SYNE1: variants seen among roughly 807,000 people sequenced by gnomAD.
SYNE1 encodes spectrin repeat containing nuclear envelope protein 1.
A neutral mutation model predicts 1,111.0 loss-of-function variants in SYNE1; 616 were observed. That is an observed-to-expected ratio of 0.55 (90% CI 0.52 to 0.59). The LOEUF is 0.59. Ranked by LOEUF, SYNE1 falls within the 20% of genes least tolerant of loss-of-function variation. SYNE1 has a pLI of 0.00. For missense variants in SYNE1, 10,006 were observed against 10,417.0 expected, an observed-to-expected ratio of 0.96 and a Z score of 1.72; for synonymous variants, 3,855 against 3,825.8, an observed-to-expected ratio of 1.01 and a Z score of -0.28.
intron 91 of SYNE1, among the ~76,000 whole-genome samples, chr6:152,304,852 T>A (rs993919759): frequency 2.0e-5 from 3 of 152,200 alleles, no homozygotes; most frequent in Non-Finnish European, 4.4e-5. Context: ...AGGTTCTGAT[T>A]TACCAGGTGT....
Position 152,465,251 on chromosome 6 carries a change from A to T in SYNE1, c.1932+7T>A. On this transcript the variant is annotated splice_region_variant and intron_variant, in intron 18 of 145. Coordinates refer to ENST00000367255, the MANE Select transcript of SYNE1 (RefSeq NM_182961.4). Reference sequence around the variant, plus strand: ...ACGTCTTTTCTTTTTGCATGAACCAATCTTACCTTTTTGGCATTTTCTGAT... The same window carrying T: ...ACGTCTTTTCTTTTTGCATGAACCATTCTTACCTTTTTGGCATTTTCTGAT... 1 of 1,613,356 alleles carries T rather than the reference A, an allele frequency of 6.2e-7. No individual in the cohort carries two copies. Among genetic ancestry groups the T allele is most frequent in the African/African-American group, 1.3e-5 (1 of 74,972 alleles).
intron 8 of SYNE1, among the ~76,000 whole-genome samples, chr6:152,508,117 A>G (rs1234166386): frequency 6.6e-6 from 1 of 152,228 alleles, no homozygotes; most frequent in Non-Finnish European, 1.5e-5. Context: ...TACACATGTT[A>G]GATAATAAGT....
intron 137 of SYNE1, chr6:152,145,608 C>G (rs957278873): frequency 1.3e-6 from 2 of 1,507,016 alleles, no homozygotes. Flanking sequence ...AACCCTGAAT[C>G]CCTTGTGCAG....
chr6:152,482,315 C>A (rs2098909795), intron 14 of SYNE1, among the ~76,000 whole-genome samples: 1 of 152,078 alleles, frequency 6.6e-6, no homozygotes, highest in Non-Finnish European at 1.5e-5. Flanking sequence ...CAGTGTATTT[C>A]CTTGGGGTAA....
intron 130 of SYNE1, among the ~76,000 whole-genome samples, chr6:152,169,923 T>C (rs2064760780): frequency 6.6e-6 from 1 of 152,158 alleles, no homozygotes; most frequent in South Asian, 2.1e-4. Context: ...CTTATATTAA[T>C]GTATTTTTAG....
chr6:152,478,830 C>T (rs1441721125), intron 14 of SYNE1, among the ~76,000 whole-genome samples: 5 of 152,120 alleles, frequency 3.3e-5, no homozygotes, highest in Non-Finnish European at 4.4e-5. Context: ...TTTTTCCAGC[C>T]ACAGTCAGCT....
In SYNE1 at chr6:152,262,121, T is replaced by G; in HGVS notation, c.18883A>C (p.Met6295Leu). 1 of 1,613,954 alleles carries G rather than the reference T, an allele frequency of 6.2e-7. No individual in the cohort carries two copies. The highest frequency in any genetic ancestry group is 1.1e-5 in the South Asian group (1 of 91,080). The change falls in exon 101 of 146, where the codon ATG becomes CTG. Residue 6295 changes from methionine to leucine, a missense_variant. Met to Leu is a conservative substitution (Grantham distance 15). This residue lies in a region of SYNE1 where 2,182 missense variants were observed against 2,287.8 expected (regional missense o/e 0.95). Coordinates refer to ENST00000367255, the MANE Select transcript of SYNE1 (RefSeq NM_182961.4). ...EGEKSSAEDQMRMKWESLHQE... is the reference protein window; with the variant it reads ...EGEKSSAEDQLRMKWESLHQE... The stretch of plus-strand genomic sequence containing the variant: ...TGTAGGCTTTCCCATTTCATTCTCA[T>G]CTGGTCTTCAGCGGATGATTTCTCC...
intron 93 of SYNE1, among the ~76,000 whole-genome samples, chr6:152,299,121 C>T (rs1431003910): frequency 6.6e-6 from 1 of 152,070 alleles, no homozygotes; most frequent in Non-Finnish European, 1.5e-5. Flanking sequence ...TTTCATGTAT[C>T]CTTTGACACT....
In SYNE1 at chr6:152,510,107, C is replaced by T. The variant is rs1307143131; in HGVS notation, c.581+86G>A. 2.2e-5 allele frequency: 30 copies of T among 1,345,424 alleles called. No homozygotes were observed. The South Asian group carries it at 3.2e-4, about 14-fold the overall frequency. 83.3% of individuals were successfully genotyped at this position (1,345,424 alleles called of 1,614,324 possible). Reference sequence around the variant, plus strand: ...AGCCATTCATTCAAATGTCTCTTCACATTTCGCAATCATTAGAAGTTGCAA... The same window carrying T: ...AGCCATTCATTCAAATGTCTCTTCATATTTCGCAATCATTAGAAGTTGCAA... On this transcript the variant is annotated intron_variant, in intron 8 of 145. Transcript: ENST00000367255.
intron 130 of SYNE1, chr6:152,168,024 T>C (rs1183838567): frequency 1.3e-6 from 1 of 780,122 alleles, no homozygotes; most frequent in South Asian, 1.3e-5. Context: ...GCAAAAACAG[T>C]TCTGGATTAA....
chr6:152,141,560 C>T (rs2058559366), intron 138 of SYNE1, among the ~76,000 whole-genome samples: 1 of 151,888 alleles, frequency 6.6e-6, no homozygotes, highest in Admixed American at 6.6e-5. Context: ...AGTTTGAGAC[C>T]AGGCTGGGGA....
At chr6:152,425,280 T>C in intron 39 of SYNE1, 101 bp downstream of exon 39, 1 of 1,280,974 alleles carries the variant, frequency 7.8e-7, no homozygotes, top group Non-Finnish European at 1.1e-6. Context: ...GGTGAGTAGT[T>C]GAGTTAAATA....
chr6:152,386,873 C>T (rs183591129), intron 54 of SYNE1, among the ~76,000 whole-genome samples, 199 bp downstream of exon 54: 19 of 152,048 alleles, frequency 1.2e-4, no homozygotes, highest in Non-Finnish European at 2.6e-4. Context: ...AATGAATAGG[C>T]ATTCATAGTA....
rs777204550 is a variant in SYNE1 at position 152,319,020 on chromosome 6, A to G, written c.16237-5T>C. On this transcript the variant is annotated splice_region_variant and splice_polypyrimidine_tract_variant and intron_variant, in intron 84 of 145. Coordinates refer to ENST00000367255, the MANE Select transcript of SYNE1 (RefSeq NM_182961.4). ...TTCTTTTATTTTGTCTTGGATCTAA[A>G]AAAATCAGTAAGAACAGCAAAACAA... The G allele has an allele frequency of 2.5e-6, 4 of 1,614,074 alleles. No homozygotes were observed.
intron 29 of SYNE1, among the ~76,000 whole-genome samples, chr6:152,445,784 A>G (rs554861360): frequency 1.3e-5 from 2 of 152,236 alleles, no homozygotes; most frequent in East Asian, 3.9e-4. Flanking sequence ...ATACTAAATG[A>G]ATTATTATCA....
At chr6:152,296,514 C>A (rs1205819750) in intron 93 of SYNE1, among the ~76,000 whole-genome samples, 4 of 152,220 alleles carry the variant, frequency 2.6e-5, no homozygotes, top group Non-Finnish European at 4.4e-5. Context: ...TCTCCTCCCC[C>A]TTAACATCCA....
At chr6:152,143,525 C>G in intron 138 of SYNE1, 98 bp downstream of exon 138, 1 of 1,559,804 alleles carries the variant, frequency 6.4e-7, no homozygotes, top group South Asian at 1.1e-5. Flanking sequence ...GCATGGTATT[C>G]AGAGACCACA....
intron 95 of SYNE1, among the ~76,000 whole-genome samples, chr6:152,287,961 T>C (rs1458116793): frequency 6.6e-6 from 1 of 152,228 alleles, no homozygotes; most frequent in Non-Finnish European, 1.5e-5. Flanking sequence ...ATGCAAAGTA[T>C]TTTTTATACA....
At chr6:152,447,331 T>A in intron 29 of SYNE1, 127 bp downstream of exon 29, 1 of 1,069,424 alleles carries the variant, frequency 9.4e-7, no homozygotes. Context: ...AAAAAAAGCA[T>A]AACAACAATT....
Sources: allele counts gnomAD v4.1 joint callset (sites outside exome capture counted in the v4.1 genomes callset), GRCh38; gene constraint gnomAD v4.1.1; regional missense constraint gnomAD v4.1.1; transcripts MANE v1.5; gene names NCBI Gene and HGNC (gene_info 2026-07-23, HGNC 2026-07-21).